ECE1: variants seen among roughly 807,000 people sequenced by gnomAD.
ECE1 encodes endothelin-converting enzyme 1.
A neutral mutation model predicts 98.6 loss-of-function variants in ECE1; 35 were observed. The observed-to-expected ratio is 0.35, with a 90% CI of 0.27 to 0.47. The LOEUF (loss-of-function observed/expected upper bound fraction) is 0.47, where lower values mean the gene tolerates loss of function less well. Ranked by LOEUF, ECE1 falls within the 20% of genes least tolerant of loss-of-function variation. ECE1 has a pLI of 1.00. For synonymous variants in ECE1, 394 were observed against 407.1 expected (o/e 0.97, Z 0.39); for missense variants, 814 against 1,025.3 (o/e 0.79, Z 2.81).
intron 11 of ECE1, 89 bp downstream of exon 11, chr1:21,238,045 C>G: frequency 8.1e-7 from 1 of 1,235,244 alleles, no homozygotes; most frequent in East Asian, 2.3e-5. Flanking sequence ...CAGGAAAGGC[C>G]CAGGGTGGGC....
chr1:21,240,262 G>A (rs955714538), intron 10 of ECE1, among the ~76,000 whole-genome samples: 2 of 152,026 alleles, frequency 1.3e-5, no homozygotes, highest in Admixed American at 1.3e-4. Flanking sequence ...TGAGGTGGGT[G>A]GATCCCCTGA....
intron 1 of ECE1, among the ~76,000 whole-genome samples, chr1:21,343,223 G>A (rs1022853081): frequency 6.6e-5 from 10 of 152,206 alleles, no homozygotes; most frequent in African/African-American, 2.4e-4. Context: ...TTTATGGCCT[G>A]GTGGAAGCTC....
chr1:21,251,037 T>C (rs1573966835), intron 8 of ECE1, among the ~76,000 whole-genome samples: 1 of 149,822 alleles, frequency 6.7e-6, no homozygotes, highest in African/African-American at 2.5e-5. Flanking sequence ...AATTTGCAGA[T>C]GGGGTAAGGT....
intron 7 of ECE1, chr1:21,256,670 C>T (rs12079715): frequency 0.012 from 1,841 of 152,982 alleles, 45 homozygotes; most frequent in African/African-American, 0.042. Context: ...AGTCTTGGCT[C>T]GTCTCACAGG....
At chr1:21,254,979 G>T (rs1429097641) in intron 8 of ECE1, among the ~76,000 whole-genome samples, 5 of 152,264 alleles carry the variant, frequency 3.3e-5, no homozygotes, top group Non-Finnish European at 7.4e-5. Flanking sequence ...CCCAGGGCCC[G>T]CTGCTTTTGC....
chr1:21,290,334 C>T lies in ECE1; in HGVS notation c.51+30G>A. 8.2e-7 allele frequency: 1 copy of T among 1,224,774 alleles called. No homozygotes were observed. The highest frequency in any genetic ancestry group is 1.0e-6 in the Non-Finnish European group (1 of 986,556). 75.9% of individuals were successfully genotyped at this position (1,224,774 alleles called of 1,614,324 possible). On this transcript the variant is annotated intron_variant, in intron 1 of 18. Coordinates refer to ENST00000374893, the MANE Select transcript of ECE1 (RefSeq NM_001397.3). This position sits in a 1 kb window ranked among gnomAD's most constrained non-coding sequence, Gnocchi z 7.3. ...GGGGAGGGGTCCCGCCCGCCTCCCG[C>T]CCCCGCCCTCCAGGCCGCGCCCGCC...
intron 4 of ECE1, among the ~76,000 whole-genome samples, chr1:21,270,944 T>C (rs1278656155): frequency 3.3e-5 from 5 of 152,226 alleles, no homozygotes; most frequent in Non-Finnish European, 7.3e-5. Flanking sequence ...CCAGCTGTGA[T>C]GTTAGGCACT....
chr1:21,292,657 C>G (rs577513436), upstream of ECE1, among the ~76,000 whole-genome samples: 1 of 152,320 alleles, frequency 6.6e-6, no homozygotes, highest in South Asian at 2.1e-4. Flanking sequence ...CTCCATCACC[C>G]GGCACAGAGT....
intron 1 of ECE1, among the ~76,000 whole-genome samples, chr1:21,323,942 C>T (rs1639018439): frequency 6.6e-6 from 1 of 151,804 alleles, no homozygotes; most frequent in Admixed American, 6.6e-5. Flanking sequence ...CCTCAGCCTC[C>T]TTGAGTAGCT....
At chr1:21,230,808 C>T (rs1379436296) in intron 14 of ECE1, among the ~76,000 whole-genome samples, 1 of 152,146 alleles carries the variant, frequency 6.6e-6, no homozygotes, top group Non-Finnish European at 1.5e-5. Context: ...TAAAACGATA[C>T]CTCTCTTCTC....
At chr1:21,241,620 G>A (rs2098196530) in intron 10 of ECE1, among the ~76,000 whole-genome samples, 1 of 151,908 alleles carries the variant, frequency 6.6e-6, no homozygotes, top group African/African-American at 2.4e-5. Flanking sequence ...GCGGGCTTTT[G>A]CCGTGTTGGC....
chr1:21,234,795 CA>C (rs2098186060), intron 13 of ECE1, among the ~76,000 whole-genome samples: 1 of 152,198 alleles, frequency 6.6e-6, no homozygotes, highest in South Asian at 2.1e-4. Flanking sequence ...TTGACAGGTG[CA>C]AAATTCTCCC....
Position 21,219,855 on chromosome 1 carries a change from C to T in ECE1, c.*100G>A. ...ACCCGCCAGTGTGAGGAAGCAGGGC[C>T]CCGGGTGGCCAAGCGGGCTGAGCAA... On this transcript the variant is annotated 3_prime_UTR_variant, in exon 19 of 19. Transcript: ENST00000374893. The surrounding 1 kb of genome is among the most constrained non-coding windows in gnomAD (Gnocchi z 4.5). The T allele has an allele frequency of 6.7e-7, 1 of 1,501,352 alleles. No individual in the cohort carries two copies. The highest frequency in any genetic ancestry group is 1.2e-5 in the South Asian group (1 of 85,226). 93.0% of individuals were successfully genotyped at this position (1,501,352 alleles called of 1,614,324 possible).
In ECE1 at chr1:21,345,406, G is replaced by A. The variant is rs1333996716; in HGVS notation, c.-28C>T. 5 of 1,328,552 alleles carry A rather than the reference G, an allele frequency of 3.8e-6. No individual in the cohort carries two copies. The highest frequency in any genetic ancestry group is 4.9e-6 in the Non-Finnish European group (5 of 1,028,780). The allele number at this position is 1,328,552 out of a possible 1,614,324, so 82.3% of individuals were successfully genotyped here. A position where few individuals can be genotyped will look rare whatever the true frequency, so the allele number is the denominator to read the frequency against. ...CTCGCGTGCTCCGCCCCGGCTTCGC[G>A]CAGCTCCCCGCGCCCGGCTCCCGAT... On this transcript the variant is annotated 5_prime_UTR_variant, in exon 1 of 19. Transcript: ENST00000415912. The surrounding 1 kb of genome is among the most constrained non-coding windows in gnomAD (Gnocchi z 5.1).
intron 10 of ECE1, among the ~76,000 whole-genome samples, chr1:21,240,089 G>A (rs1345045565): frequency 1.3e-5 from 2 of 152,274 alleles, no homozygotes; most frequent in East Asian, 1.9e-4. Flanking sequence ...GAGAATAGCT[G>A]TAACCTGGGA....
rs572731230 is a variant in ECE1 at position 21,257,531 on chromosome 1, G to A, written c.822C>T (p.Asn274=). The A allele has an allele frequency of 3.5e-5, 57 of 1,614,198 alleles. No homozygotes were observed. The highest frequency in any genetic ancestry group is 1.6e-4 in the Middle Eastern group (1 of 6,062). The change falls in exon 7 of 19, where the codon AAC becomes AAT. Residue 274 remains asparagine, a synonymous_variant. Coordinates refer to ENST00000374893, the MANE Select transcript of ECE1 (RefSeq NM_001397.3). ...SRDYYLNKTE[N]EKVLTGYLNY... is the part of the protein sequence containing the mutation. Reference sequence around the variant, plus strand: ...AGGGGAGAGGCACGCTTACCTTCTCGTTTTCAGTTTTGTTCAGGTAATAGT... The same window carrying A: ...AGGGGAGAGGCACGCTTACCTTCTCATTTTCAGTTTTGTTCAGGTAATAGT...
At chr1:21,274,340 C>T (rs2098244017) in intron 3 of ECE1, among the ~76,000 whole-genome samples, 1 of 152,228 alleles carries the variant, frequency 6.6e-6, no homozygotes, top group Admixed American at 6.5e-5. Flanking sequence ...GTTTCCCCAC[C>T]ACACAGGGAG....
At chr1:21,287,534 T>C (rs531716482) in intron 2 of ECE1, among the ~76,000 whole-genome samples, 1 of 151,970 alleles carries the variant, frequency 6.6e-6, no homozygotes, top group Admixed American at 6.6e-5. Context: ...TCAAAATAAA[T>C]AAATAAATAT....
intron 18 of ECE1, among the ~76,000 whole-genome samples, chr1:21,221,121 C>T (rs2103199896): frequency 6.6e-6 from 1 of 152,300 alleles, no homozygotes; most frequent in African/African-American, 2.4e-5. Context: ...GGCCTGGTAG[C>T]TCTGAGTGCC....
Sources: allele counts gnomAD v4.1 joint callset (sites outside exome capture counted in the v4.1 genomes callset), GRCh38; gene constraint gnomAD v4.1.1; non-coding constraint Gnocchi (gnomAD v3.1); transcripts MANE v1.5; gene names NCBI Gene and HGNC (gene_info 2026-07-23, HGNC 2026-07-21).